ADGRA3: variants seen among roughly 807,000 people sequenced by gnomAD.
The protein encoded by ADGRA3 is G-protein coupled receptor 125.
ADGRA3 carries 56 observed loss-of-function variants against 119.8 expected under a neutral mutation model. That is an observed-to-expected ratio of 0.47 (90% confidence interval 0.38 to 0.58). The LOEUF (loss-of-function observed/expected upper bound fraction) is 0.58, where lower values mean the gene tolerates loss of function less well. Ranked by LOEUF, ADGRA3 falls within the 20% of genes least tolerant of loss-of-function variation. The pLI is 0.00. For missense variants in ADGRA3, 1,516 were observed against 1,649.0 expected (o/e 0.92, Z 1.40); for synonymous variants, 607 against 623.8 (o/e 0.97, Z 0.40).
chr4:22,470,871 C>T (rs1376969052), intron 2 of ADGRA3, among the ~76,000 whole-genome samples: 1 of 152,166 alleles, frequency 6.6e-6, no homozygotes, highest in African/African-American at 2.4e-5. Flanking sequence ...GACTCAGTCC[C>T]TGGGGACTCT....
intron 10 of ADGRA3, among the ~76,000 whole-genome samples, chr4:22,424,931 T>G (rs950071079): frequency 6.6e-6 from 1 of 152,106 alleles, no homozygotes; most frequent in South Asian, 2.1e-4. Context: ...ACAAATTAGC[T>G]GGGCATGGTG....
intron 2 of ADGRA3, among the ~76,000 whole-genome samples, chr4:22,470,792 G>A (rs575754723): frequency 2.2e-4 from 33 of 152,286 alleles, no homozygotes; most frequent in Admixed American, 1.8e-3. Context: ...GCAGAAAAGT[G>A]GGAAGTGAGA....
chr4:22,387,403 T>C lies in ADGRA3; in HGVS notation c.*302A>G, dbSNP rs776330127. 18 of 263,330 alleles carry C rather than the reference T, an allele frequency of 6.8e-5. No homozygotes were observed. Among genetic ancestry groups the C allele is most frequent in the Non-Finnish European group, 1.3e-4 (18 of 139,838 alleles). 16.3% of individuals were successfully genotyped at this position (263,330 alleles called of 1,614,324 possible). ...CACAATAACAAACACCTATTTATTATATTAAATACAAGCCTGAAATATTAA... is the reference window on the plus strand; with the variant it reads ...CACAATAACAAACACCTATTTATTACATTAAATACAAGCCTGAAATATTAA... On this transcript the variant is annotated 3_prime_UTR_variant, in exon 19 of 19. Coordinates refer to ENST00000334304, the MANE Select transcript of ADGRA3 (RefSeq NM_145290.4).
At chr4:22,401,943 C>G (rs979480190) in intron 15 of ADGRA3, among the ~76,000 whole-genome samples, 1 of 152,026 alleles carries the variant, frequency 6.6e-6, no homozygotes, top group Admixed American at 6.6e-5. Context: ...CTTTTTTTGA[C>G]CCACTGGCGC....
At position 22,474,963 on chromosome 4, in the gene ADGRA3, GTAT is replaced by G. The variant is rs1161655642; in HGVS notation, c.258-1123_258-1121del. Among the ~76,000 whole-genome samples, 4 of 152,114 alleles carry G rather than the reference GTAT, an allele frequency of 2.6e-5. No homozygotes were observed. In the South Asian group the frequency reaches 6.2e-4, roughly 24 times the overall value. On this transcript the variant is annotated intron_variant, in intron 1 of 18. Coordinates refer to ENST00000334304, the MANE Select transcript of ADGRA3 (RefSeq NM_145290.4). ...ATACCTCTGGATCAGAAGATTTTAG[GTAT>G]TATTATTTTGTCTAAAAACAACTTG...
At chr4:22,461,479 TA>T (rs1290782155) in intron 3 of ADGRA3, among the ~76,000 whole-genome samples, 13 of 152,110 alleles carry the variant, frequency 8.5e-5, no homozygotes, top group African/African-American at 3.1e-4. Context: ...TTCGTATTTT[TA>T]GTAGAGACGG....
Position 22,413,433 on chromosome 4 carries a change from A to G in ADGRA3, c.2024-43T>C, listed in dbSNP as rs752468082. ...TAAAAATATTTCTGAAACAAACTTC[A>G]TAACCAATTATAAATGTCAACTTCT... On this transcript the variant is annotated intron_variant, in intron 13 of 18. Coordinates refer to ENST00000334304, the MANE Select transcript of ADGRA3 (RefSeq NM_145290.4). 9.1e-6 allele frequency: 14 copies of G among 1,533,782 alleles called. No homozygotes were observed. In the Admixed American group the frequency reaches 2.2e-4, roughly 24 times the overall value.
intron 1 of ADGRA3, among the ~76,000 whole-genome samples, chr4:22,482,240 C>T (rs1718279781): frequency 6.6e-6 from 1 of 152,110 alleles, no homozygotes; most frequent in African/African-American, 2.4e-5. Flanking sequence ...AAGTAAAATA[C>T]ATAAAGTATA....
chr4:22,472,552 C>G (rs959744132), intron 2 of ADGRA3, among the ~76,000 whole-genome samples: 1 of 151,670 alleles, frequency 6.6e-6, no homozygotes, highest in East Asian at 2.0e-4. Context: ...TATATATATA[C>G]ACACAAACAC....
At chr4:22,493,590 G>A (rs1189154935) in intron 1 of ADGRA3, among the ~76,000 whole-genome samples, 2 of 152,156 alleles carry the variant, frequency 1.3e-5, no homozygotes, top group Non-Finnish European at 2.9e-5. Context: ...TGTGCATTGG[G>A]CTATGTTACC....
intron 7 of ADGRA3, among the ~76,000 whole-genome samples, chr4:22,441,360 C>A (rs1207724339): frequency 6.6e-6 from 1 of 152,142 alleles, no homozygotes; most frequent in Non-Finnish European, 1.5e-5. Flanking sequence ...CCTGACCAAA[C>A]AAAAGTTAGC....
intron 2 of ADGRA3, among the ~76,000 whole-genome samples, chr4:22,469,286 G>A (rs1321159925): frequency 6.6e-6 from 1 of 152,114 alleles, no homozygotes; most frequent in African/African-American, 2.4e-5. Flanking sequence ...TTACTTGTCT[G>A]AATCGTTTCA....
At chr4:22,498,054 A>T (rs1402429076) in intron 1 of ADGRA3, among the ~76,000 whole-genome samples, 1 of 151,816 alleles carries the variant, frequency 6.6e-6, no homozygotes, top group Non-Finnish European at 1.5e-5. Flanking sequence ...CAGCCAGGCC[A>T]AAGTGGTGAA....
At chr4:22,493,029 A>G (rs1718686480) in intron 1 of ADGRA3, among the ~76,000 whole-genome samples, 1 of 152,188 alleles carries the variant, frequency 6.6e-6, no homozygotes, top group African/African-American at 2.4e-5. Context: ...CAGAGGCACA[A>G]TCACAGCTCA....
At chr4:22,392,965 CCCAGACATTAAA>C (rs1411841257) in intron 16 of ADGRA3, 2 of 302,222 alleles carry the variant, frequency 6.6e-6, no homozygotes, top group Non-Finnish European at 1.2e-5. Context: ...AGAACTGGCT[CCCAGACATTAAA>C]CCAAAAGTGT....
intron 17 of ADGRA3, among the ~76,000 whole-genome samples, chr4:22,391,877 C>A (rs1714148172): frequency 1.3e-5 from 2 of 152,172 alleles, no homozygotes; most frequent in South Asian, 4.1e-4. Flanking sequence ...TAACAACCCC[C>A]CGCCCCCAAA....
At position 22,401,686 on chromosome 4, in the gene ADGRA3, T is replaced by C; in HGVS notation, c.2358-132A>G. On this transcript the variant is annotated intron_variant, in intron 15 of 18. Transcript: ENST00000334304. ...GATATTTAAACATTTAACAAACATATACTACCAGACACACACACACATACA... is the reference window on the plus strand; with the variant it reads ...GATATTTAAACATTTAACAAACATACACTACCAGACACACACACACATACA... 6 of 566,504 alleles carry C rather than the reference T, an allele frequency of 1.1e-5. No individual in the cohort carries two copies. In the South Asian group the frequency reaches 1.5e-4, roughly 15 times the overall value. The allele number at this position is 566,504 out of a possible 1,614,324, so 35.1% of individuals were successfully genotyped here. A position where few individuals can be genotyped will look rare whatever the true frequency, so the allele number is the denominator to read the frequency against.
chr4:22,490,893 G>A (rs930285683), intron 1 of ADGRA3, among the ~76,000 whole-genome samples: 5 of 152,236 alleles, frequency 3.3e-5, no homozygotes, highest in Admixed American at 6.5e-5. Context: ...TCTGTAGGTC[G>A]GAAGTCCAGG....
At position 22,484,597 on chromosome 4, in the gene ADGRA3, CCT is replaced by C. The variant is rs1404361175; in HGVS notation, c.258-10756_258-10755del. ...TCTAGCCTAGGCGATAGAGTGAGAC[CCT>C]GTTTCCAAAAAAAAAAAAAAAAGCG... is the stretch of plus-strand genomic sequence containing the variant. On this transcript the variant is annotated intron_variant, in intron 1 of 18. Coordinates refer to ENST00000334304, the MANE Select transcript of ADGRA3 (RefSeq NM_145290.4). 2.0e-5 allele frequency among the ~76,000 whole-genome samples: 3 copies of C among 147,510 alleles called. No individual in the cohort carries two copies. The East Asian group carries it at 6.0e-4, about 30-fold the overall frequency.
Sources: allele counts gnomAD v4.1 joint callset (sites outside exome capture counted in the v4.1 genomes callset), GRCh38; gene constraint gnomAD v4.1.1; transcripts MANE v1.5; gene names NCBI Gene and HGNC (gene_info 2026-07-23, HGNC 2026-07-21).